GRIK2: variants seen among roughly 807,000 people sequenced by gnomAD.
GRIK2 encodes the protein glutamate ionotropic receptor kainate type subunit 2, also known as glutamate receptor ionotropic, kainate 2.
Under a neutral mutation model 100.3 loss-of-function variants are expected in GRIK2, and 32 were observed. The ratio of observed to expected loss-of-function variants is 0.32; its 90% CI spans 0.24 to 0.43. The LOEUF (loss-of-function observed/expected upper bound fraction) is 0.43. Among genes scored for constraint, GRIK2 ranks in the 20% least tolerant of loss-of-function variants. The pLI is 1.00. For missense variants in GRIK2, 843 were observed against 1,114.9 expected (o/e 0.76, Z 3.47); for synonymous variants, 417 against 389.4 (o/e 1.07, Z -0.83).
In GRIK2 at chr6:101,823,344, ATTTATTTTATATATTTT is replaced by A. The variant is rs542906724; in HGVS notation, c.1317+4870_1317+4886del. ...TAAATTTACATAGAGAGCATTAAAC[ATTTATTTTATATATTTT>A]TTTATTTTTGAATTAAGATTTATGA... On this transcript the variant is annotated intron_variant, in intron 10 of 16. Transcript: ENST00000369134. Among the ~76,000 whole-genome samples the A allele has an allele frequency of 4.4e-3, 631 of 143,058 alleles. 6 individuals are homozygous for A. The highest frequency in any genetic ancestry group is 7.3e-3 in the Non-Finnish European group (491 of 67,656). 93.9% of individuals were successfully genotyped at this position (143,058 alleles called of 152,430 possible).
At chr6:101,712,690 T>C (rs1773800070) in intron 7 of GRIK2, among the ~76,000 whole-genome samples, 1 of 151,776 alleles carries the variant, frequency 6.6e-6, no homozygotes. Context: ...AATTTCTACT[T>C]TTATCACCAT....
At chr6:101,699,127 G>C (rs1437977425) in intron 7 of GRIK2, among the ~76,000 whole-genome samples, 1 of 152,104 alleles carries the variant, frequency 6.6e-6, no homozygotes, top group African/African-American at 2.4e-5. Flanking sequence ...TGCCAGGTTT[G>C]AAGTACTCCA....
chr6:101,441,673 G>T (rs1327396966), intron 2 of GRIK2, among the ~76,000 whole-genome samples: 1 of 152,054 alleles, frequency 6.6e-6, no homozygotes, highest in African/African-American at 2.4e-5. Context: ...GGGTATGTGT[G>T]CAGGGTTTGT....
At chr6:101,729,609 A>G (rs563597700) in intron 7 of GRIK2, among the ~76,000 whole-genome samples, 116 of 151,988 alleles carry the variant, frequency 7.6e-4, no homozygotes, top group African/African-American at 2.6e-3. Context: ...CTGAAATATT[A>G]CTTGTTTATT....
At chr6:101,558,222 A>C (rs1776836789) in intron 2 of GRIK2, among the ~76,000 whole-genome samples, 1 of 152,170 alleles carries the variant, frequency 6.6e-6, no homozygotes, top group African/African-American at 2.4e-5. Flanking sequence ...TGAGCTTTCC[A>C]CATTCAATAA....
At chr6:101,742,033 C>T (rs537197210) in intron 7 of GRIK2, among the ~76,000 whole-genome samples, 1 of 152,254 alleles carries the variant, frequency 6.6e-6, no homozygotes, top group South Asian at 2.1e-4. Context: ...CTTAATATGC[C>T]CTAGTGGTAA....
intron 14 of GRIK2, among the ~76,000 whole-genome samples, chr6:102,034,655 T>G (rs1347751091): frequency 2.6e-5 from 4 of 151,400 alleles, no homozygotes. Flanking sequence ...ATATAAACAC[T>G]ATTCAATTGT....
At chr6:101,759,854 T>C (rs1409962404) in intron 7 of GRIK2, among the ~76,000 whole-genome samples, 1 of 130,946 alleles carries the variant, frequency 7.6e-6, no homozygotes, top group African/African-American at 3.5e-5. Flanking sequence ...CATTTTATTT[T>C]TTTTATTTTT....
intron 2 of GRIK2, among the ~76,000 whole-genome samples, chr6:101,455,374 T>A (rs781066998): frequency 6.6e-6 from 1 of 152,024 alleles, no homozygotes; most frequent in African/African-American, 2.4e-5. Flanking sequence ...GTGACTAGAG[T>A]GGGAAGAGGG....
At chr6:101,950,490 G>A (rs763332627) in intron 14 of GRIK2, among the ~76,000 whole-genome samples, 2 of 152,108 alleles carry the variant, frequency 1.3e-5, no homozygotes, top group Non-Finnish European at 2.9e-5. Flanking sequence ...TTGGGCCTGA[G>A]ATAGAATGGA....
intron 7 of GRIK2, among the ~76,000 whole-genome samples, chr6:101,715,620 G>A (rs915662566): frequency 6.6e-6 from 1 of 151,678 alleles, no homozygotes. Flanking sequence ...GCCCATAAAT[G>A]TTCTAGGTAT....
chr6:101,528,056 G>C (rs1339781577), intron 2 of GRIK2, among the ~76,000 whole-genome samples: 2 of 152,060 alleles, frequency 1.3e-5, no homozygotes, highest in African/African-American at 4.8e-5. Context: ...GTGAGTTGCT[G>C]AACCTACTTT....
chr6:101,460,007 T>A, intron 2 of GRIK2, among the ~76,000 whole-genome samples: 1 of 152,194 alleles, frequency 6.6e-6, no homozygotes, highest in East Asian at 1.9e-4. Flanking sequence ...TCTGCCCACC[T>A]CGGCCTCTCG....
chr6:101,766,792 T>A (rs1005609918), intron 7 of GRIK2, among the ~76,000 whole-genome samples: 3 of 152,184 alleles, frequency 2.0e-5, no homozygotes, highest in African/African-American at 7.2e-5. Context: ...GAAATAGACA[T>A]GATGTTAATT....
chr6:101,883,153 A>G (rs2128454353), intron 11 of GRIK2, among the ~76,000 whole-genome samples: 1 of 151,984 alleles, frequency 6.6e-6, no homozygotes, highest in South Asian at 2.1e-4. Context: ...AAGTACAAGG[A>G]CGTTTTTATT....
intron 1 of GRIK2, among the ~76,000 whole-genome samples, chr6:101,397,751 T>C: frequency 6.6e-6 from 1 of 152,080 alleles, no homozygotes; most frequent in Non-Finnish European, 1.5e-5. Flanking sequence ...AGCCTTCAGA[T>C]AGGATATTTT....
intron 14 of GRIK2, among the ~76,000 whole-genome samples, chr6:101,973,021 C>T (rs991529322): frequency 2.0e-5 from 3 of 151,842 alleles, no homozygotes; most frequent in African/African-American, 4.8e-5. Flanking sequence ...ATCACTTTGG[C>T]TCTCTGGGCT....
rs543407720 is a variant in GRIK2 at position 101,707,461 on chromosome 6, ATATT to A, written c.951+21109_951+21112del. ...ATACATTATCACAATTCTTTTATAT[ATATT>A]ATATATAATATATAAATATATATAT... On this transcript the variant is annotated intron_variant, in intron 7 of 16. Coordinates refer to ENST00000369134, the MANE Select transcript of GRIK2 (RefSeq NM_021956.5). Among the ~76,000 whole-genome samples, 490 of 146,616 alleles carry A rather than the reference ATATT, an allele frequency of 3.3e-3. 2 individuals carry two copies. The highest frequency in any genetic ancestry group is 0.011 in the African/African-American group (456 of 40,406).
chr6:101,459,391 T>C (rs1288127726), intron 2 of GRIK2, among the ~76,000 whole-genome samples: 1 of 152,212 alleles, frequency 6.6e-6, no homozygotes, highest in Non-Finnish European at 1.5e-5. Context: ...GGCACAAATA[T>C]ATTTGCCATG....
Sources: gnomAD v4.1 joint callset for allele counts (sites outside exome capture counted in the v4.1 genomes callset) on GRCh38, gnomAD v4.1.1 for gene constraint, MANE v1.5 for transcripts, NCBI Gene and HGNC (gene_info 2026-07-23, HGNC 2026-07-21) for gene names.